Variants in TMEM117 observed in about 807,000 individuals in gnomAD.
TMEM117 encodes the protein transmembrane protein 117.
In TMEM117, 27 loss-of-function variants were observed where a neutral mutation model predicts 52.4. The observed-to-expected ratio is 0.51, with a 90% CI of 0.38 to 0.71. The LOEUF (loss-of-function observed/expected upper bound fraction) is 0.71. TMEM117 is among the 30% of genes least tolerant of loss of function. TMEM117 has a pLI of 0.00. For synonymous variants in TMEM117, 215 were observed against 206.3 expected (o/e 1.04, Z -0.36); for missense variants, 556 against 630.5 (o/e 0.88, Z 1.26).
At chr12:44,347,437 A>C (rs1362646938) in intron 6 of TMEM117, among the ~76,000 whole-genome samples, 1 of 152,088 alleles carries the variant, frequency 6.6e-6, no homozygotes, top group African/African-American at 2.4e-5. Context: ...TCTCTGAATG[A>C]TTCCTATCTT....
intron 6 of TMEM117, among the ~76,000 whole-genome samples, chr12:44,335,215 G>T (rs922493590): frequency 6.6e-6 from 1 of 152,036 alleles, no homozygotes; most frequent in Non-Finnish European, 1.5e-5. Context: ...GGAAGCACTT[G>T]AAAATTCAGA....
At chr12:44,175,119 G>A (rs550308678) in intron 4 of TMEM117, among the ~76,000 whole-genome samples, 1 of 152,298 alleles carries the variant, frequency 6.6e-6, no homozygotes, top group South Asian at 2.1e-4. Context: ...AGAAACTATT[G>A]AAGCAGATTT....
At chr12:44,068,776 T>C (rs1358069548) in intron 3 of TMEM117, among the ~76,000 whole-genome samples, 1 of 152,202 alleles carries the variant, frequency 6.6e-6, no homozygotes, top group African/African-American at 2.4e-5. Context: ...AGTGAGCCCA[T>C]GCTGTTGGGA....
chr12:43,936,530 A>G (rs2137593623), intron 2 of TMEM117, among the ~76,000 whole-genome samples: 1 of 152,280 alleles, frequency 6.6e-6, no homozygotes, highest in East Asian at 1.9e-4. Context: ...ATGAGATCAT[A>G]TAGTGATATG....
intron 2 of TMEM117, among the ~76,000 whole-genome samples, chr12:43,855,513 G>T (rs1015109017): frequency 3.9e-5 from 6 of 152,176 alleles, no homozygotes; most frequent in Admixed American, 6.5e-5. Context: ...TGCCATAGAT[G>T]AATACATGCT....
At chr12:44,374,658 G>A (rs986811295) in intron 6 of TMEM117, among the ~76,000 whole-genome samples, 1 of 144,656 alleles carries the variant, frequency 6.9e-6, no homozygotes, top group Admixed American at 7.1e-5. Flanking sequence ...GTGTGTGTAT[G>A]TGTGTGTATG....
chr12:44,282,477 G>C (rs1027786327), intron 5 of TMEM117, among the ~76,000 whole-genome samples: 5 of 152,150 alleles, frequency 3.3e-5, no homozygotes, highest in Non-Finnish European at 7.3e-5. Flanking sequence ...GGAACTTGTT[G>C]GGAACTGGAG....
At chr12:43,957,960 C>T (rs1427559630) in intron 3 of TMEM117, among the ~76,000 whole-genome samples, 2 of 152,182 alleles carry the variant, frequency 1.3e-5, no homozygotes, top group African/African-American at 4.8e-5. Flanking sequence ...ATGTTTTCAG[C>T]ACTGATTGTC....
chr12:44,345,494 T>C (rs978869875), intron 6 of TMEM117, among the ~76,000 whole-genome samples: 5 of 152,132 alleles, frequency 3.3e-5, no homozygotes, highest in African/African-American at 4.8e-5. Flanking sequence ...AAAACACATA[T>C]TCATAGTATT....
At chr12:44,327,462 G>T (rs1951211368) in intron 6 of TMEM117, among the ~76,000 whole-genome samples, 1 of 152,118 alleles carries the variant, frequency 6.6e-6, no homozygotes. Flanking sequence ...TTTGATTGGT[G>T]TTATACAGTA....
chr12:44,388,553 A>T lies in TMEM117; in HGVS notation c.1426A>T (p.Ile476Phe). The T allele has an allele frequency of 2.5e-6, 4 of 1,613,566 alleles. No homozygotes were observed. The highest frequency in any genetic ancestry group is 3.4e-6 in the Non-Finnish European group (4 of 1,179,610). ...LVCIRSDFNE[I>F]VYKSSHLTSE... ...TTGCATCAGGTCTGACTTCAATGAG[A>T]TCGTCTACAAGTCTTCCCACCTAAC... The change falls in exon 8 of 8, where the codon ATC becomes TTC. Residue 476 changes from isoleucine (I) to phenylalanine (F), a missense_variant. This residue lies in a region of TMEM117 where 206 missense variants were observed against 211.1 expected (regional missense o/e 0.98). Transcript: ENST00000266534.
chr12:44,193,946 G>A (rs891019303), intron 4 of TMEM117, among the ~76,000 whole-genome samples: 1 of 152,120 alleles, frequency 6.6e-6, no homozygotes, highest in Non-Finnish European at 1.5e-5. Flanking sequence ...AGAAACAAGT[G>A]TCATGAGAAA....
intron 3 of TMEM117, among the ~76,000 whole-genome samples, chr12:43,975,549 G>A (rs1291987040): frequency 6.6e-6 from 1 of 152,194 alleles, no homozygotes; most frequent in African/African-American, 2.4e-5. Context: ...ATGTCAGGCA[G>A]AGTCAGAATT....
At chr12:44,237,189 G>A (rs1950007233) in intron 5 of TMEM117, among the ~76,000 whole-genome samples, 1 of 152,098 alleles carries the variant, frequency 6.6e-6, no homozygotes, top group Non-Finnish European at 1.5e-5. Context: ...ACTTGAAGCA[G>A]AAGTTTCAAG....
chr12:44,047,424 T>C (rs112814501), intron 3 of TMEM117, among the ~76,000 whole-genome samples: 5 of 152,306 alleles, frequency 3.3e-5, no homozygotes, highest in African/African-American at 9.6e-5. Context: ...CTTGGATTAC[T>C]AGATATTAAT....
intron 2 of TMEM117, among the ~76,000 whole-genome samples, chr12:43,919,992 C>T (rs974318976): frequency 2.0e-5 from 3 of 151,862 alleles, no homozygotes; most frequent in African/African-American, 4.8e-5. Context: ...TTTAGGACCT[C>T]TTCATTCTGT....
At chr12:44,107,929 C>T (rs1158912246) in intron 3 of TMEM117, among the ~76,000 whole-genome samples, 1 of 152,300 alleles carries the variant, frequency 6.6e-6, no homozygotes, top group East Asian at 1.9e-4. Flanking sequence ...TTGAATAACA[C>T]AGCAAAAGAG....
chr12:44,138,735 A>G (rs1334210748), intron 3 of TMEM117, among the ~76,000 whole-genome samples: 1 of 152,158 alleles, frequency 6.6e-6, no homozygotes, highest in Admixed American at 6.6e-5. Flanking sequence ...CTCAAACCAT[A>G]GGTCTGGCCT....
At chr12:44,292,899 T>C (rs764636691) in intron 5 of TMEM117, among the ~76,000 whole-genome samples, 3 of 152,188 alleles carry the variant, frequency 2.0e-5, no homozygotes, top group Non-Finnish European at 4.4e-5. Flanking sequence ...AAGGTTCATT[T>C]TGCTGCTTCA....
Sources: allele counts gnomAD v4.1 joint callset (sites outside exome capture counted in the v4.1 genomes callset), GRCh38; gene constraint gnomAD v4.1.1; regional missense constraint gnomAD v4.1.1; transcripts MANE v1.5; gene names NCBI Gene and HGNC (gene_info 2026-07-23, HGNC 2026-07-21).